The following PRKG1 variants were observed in gnomAD, a reference collection of about 807,000 sequenced individuals.
PRKG1 encodes cGMP-dependent protein kinase 1.
Under a neutral mutation model 88.1 loss-of-function variants are expected in PRKG1, and 35 were observed. The observed-to-expected ratio is 0.40, with a 90% CI of 0.30 to 0.53. The LOEUF is 0.53. PRKG1 is among the 20% of genes least tolerant of loss of function. The probability of loss-of-function intolerance (pLI) is 0.59; values close to 1 mark genes in which losing one functional copy is unlikely to be tolerated. For missense variants in PRKG1, 540 were observed against 839.8 expected, an observed-to-expected ratio of 0.64 and a Z score of 4.41; for synonymous variants, 303 against 292.5, an observed-to-expected ratio of 1.04 and a Z score of -0.37.
At chr10:51,828,726 C>T (rs1839936468) in intron 4 of PRKG1, among the ~76,000 whole-genome samples, 2 of 152,098 alleles carry the variant, frequency 1.3e-5, no homozygotes, top group Admixed American at 1.3e-4. Flanking sequence ...CTAGCAACAA[C>T]TGGATAAATA....
At chr10:51,381,256 T>TAAAAA (rs71029366) in intron 2 of PRKG1, among the ~76,000 whole-genome samples, 6 of 32,058 alleles carry the variant, frequency 1.9e-4, no homozygotes, top group Non-Finnish European at 2.4e-4. Context: ...GCCTCCATCT[T>TAAAAA]AAAAAAAAAA....
intron 4 of PRKG1, among the ~76,000 whole-genome samples, chr10:51,890,703 C>T (rs1841697948): frequency 6.6e-6 from 1 of 152,172 alleles, no homozygotes; most frequent in Admixed American, 6.5e-5. Context: ...CGCCTGTAAT[C>T]CTGTCACTTT....
intron 4 of PRKG1, among the ~76,000 whole-genome samples, chr10:51,815,813 G>GTTGGGC (rs1839570165): frequency 6.6e-6 from 1 of 152,132 alleles, no homozygotes; most frequent in Non-Finnish European, 1.5e-5. Context: ...CTATGAATCT[G>GTTGGGC]AGAATCCTGA....
intron 2 of PRKG1, among the ~76,000 whole-genome samples, chr10:51,288,526 T>C (rs1313431089): frequency 1.3e-5 from 2 of 152,188 alleles, no homozygotes; most frequent in Non-Finnish European, 2.9e-5. Flanking sequence ...GGACCCACAG[T>C]CATCAAATTT....
At chr10:51,524,287 A>G (rs916494962) in intron 3 of PRKG1, among the ~76,000 whole-genome samples, 3 of 152,182 alleles carry the variant, frequency 2.0e-5, no homozygotes, top group South Asian at 2.1e-4. Flanking sequence ...CAATGCAGTC[A>G]TTATACAGGA....
At chr10:50,999,674 T>C (rs900959062) in intron 1 of PRKG1, among the ~76,000 whole-genome samples, 6 of 152,368 alleles carry the variant, frequency 3.9e-5, no homozygotes, top group Admixed American at 6.5e-5. Flanking sequence ...TATGGTACTG[T>C]TATTGTCTAA....
chr10:51,392,265 A>T (rs555117247), intron 2 of PRKG1, among the ~76,000 whole-genome samples: 6 of 151,978 alleles, frequency 3.9e-5, no homozygotes, highest in Non-Finnish European at 5.9e-5. Flanking sequence ...TTTCCTAGGC[A>T]GAGGACCCTG....
chr10:51,400,166 A>C (rs1837697405), intron 2 of PRKG1, among the ~76,000 whole-genome samples: 1 of 152,210 alleles, frequency 6.6e-6, no homozygotes, highest in Non-Finnish European at 1.5e-5. Context: ...ATGGGAAAGA[A>C]AGAGCAATGA....
chr10:52,058,563 C>G (rs1846163503), intron 6 of PRKG1, among the ~76,000 whole-genome samples: 1 of 151,868 alleles, frequency 6.6e-6, no homozygotes, highest in Non-Finnish European at 1.5e-5. Context: ...TAACTGACAG[C>G]AAAAGGAAAG....
At chr10:51,529,222 C>T (rs1039204342) in intron 3 of PRKG1, among the ~76,000 whole-genome samples, 2 of 152,090 alleles carry the variant, frequency 1.3e-5, no homozygotes, top group Non-Finnish European at 2.9e-5. Flanking sequence ...AGCTACAATT[C>T]GTCACCTCCA....
intron 4 of PRKG1, among the ~76,000 whole-genome samples, chr10:51,845,471 T>C (rs572581054): frequency 6.6e-6 from 1 of 152,320 alleles, no homozygotes; most frequent in Admixed American, 6.5e-5. Context: ...CACTTCTTAG[T>C]TTCCATAGGT....
intron 2 of PRKG1, among the ~76,000 whole-genome samples, chr10:51,217,963 G>T (rs943372547): frequency 6.6e-6 from 1 of 152,044 alleles, no homozygotes; most frequent in Admixed American, 6.6e-5. Context: ...TCTTACAAGT[G>T]ATTAACATCT....
chr10:51,514,864 T>G (rs1465438392), intron 3 of PRKG1, among the ~76,000 whole-genome samples: 2 of 152,150 alleles, frequency 1.3e-5, no homozygotes. Flanking sequence ...CACTGCAGAC[T>G]TTTACATAAA....
intron 3 of PRKG1, among the ~76,000 whole-genome samples, chr10:51,474,729 TTA>T (rs1235788178): frequency 6.6e-6 from 1 of 152,002 alleles, no homozygotes; most frequent in African/African-American, 2.4e-5. Flanking sequence ...GAAAAAATTA[TTA>T]TGTTTTGTTA....
intron 8 of PRKG1, among the ~76,000 whole-genome samples, chr10:52,160,984 A>C (rs1838261831): frequency 6.6e-6 from 1 of 152,028 alleles, no homozygotes; most frequent in Non-Finnish European, 1.5e-5. Context: ...GTAAGTGAGG[A>C]TCTGATTATC....
intron 1 of PRKG1, among the ~76,000 whole-genome samples, chr10:51,022,194 A>G (rs1781054682): frequency 6.6e-6 from 1 of 152,176 alleles, no homozygotes; most frequent in African/African-American, 2.4e-5. Flanking sequence ...CAGTTCCTCC[A>G]GTTGTCAGTA....
intron 4 of PRKG1, among the ~76,000 whole-genome samples, chr10:51,823,483 A>C (rs2879615): frequency 6.6e-6 from 1 of 151,704 alleles, no homozygotes. Context: ...GGGGCTTCCA[A>C]GTTTTCTCAG....
chr10:51,807,806 GGGGGGAAAAAGGAGTCTGTCTCTAT>G (rs1228038397), intron 4 of PRKG1, among the ~76,000 whole-genome samples: 2 of 151,916 alleles, frequency 1.3e-5, no homozygotes, highest in African/African-American at 4.8e-5. Flanking sequence ...GATGGCTTTC[GGGGGGAAAAAGGAGTCTGTCTCTAT>G]GACTTGCTTT....
intron 3 of PRKG1, among the ~76,000 whole-genome samples, chr10:51,529,690 C>T (rs745757901): frequency 1.6e-4 from 12 of 73,786 alleles, no homozygotes; most frequent in South Asian, 8.0e-4. Context: ...CACACACACA[C>T]GCTCCTCAGT....
Sources: allele counts gnomAD v4.1 joint callset (sites outside exome capture counted in the v4.1 genomes callset), GRCh38; gene constraint gnomAD v4.1.1; transcripts MANE v1.5; gene names NCBI Gene and HGNC (gene_info 2026-07-23, HGNC 2026-07-21).